Variants in STARD13 observed in about 807,000 individuals in gnomAD.
STARD13 encodes stAR-related lipid transfer protein 13.
STARD13 carries 62 observed loss-of-function variants against 106.4 expected under a neutral mutation model. The ratio of observed to expected loss-of-function variants is 0.58; its 90% CI spans 0.48 to 0.72. The LOEUF is 0.72. Ranked by LOEUF, STARD13 falls within the 30% of genes least tolerant of loss-of-function variation. The pLI, the probability that STARD13 is intolerant of heterozygous loss-of-function variation, is 0.00. For missense variants in STARD13, 1,387 were observed against 1,424.0 expected, an observed-to-expected ratio of 0.97 and a Z score of 0.42; for synonymous variants, 565 against 553.0, an observed-to-expected ratio of 1.02 and a Z score of -0.31.
the STARD13 span, among the ~76,000 whole-genome samples, chr13:33,540,376 ATTAT>A: frequency 6.6e-6 from 1 of 152,206 alleles, no homozygotes; most frequent in Non-Finnish European, 1.5e-5. Context: ...CCTTGGAGAC[ATTAT>A]TAAGGAAAAT....
At position 33,142,347 on chromosome 13, in the gene STARD13, GCA is replaced by G; in HGVS notation, c.348_349del (p.Ala117LeufsTer5). On this transcript the variant is annotated frameshift_variant, in exon 4 of 14. Coordinates refer to ENST00000336934, the MANE Select transcript of STARD13 (RefSeq NM_178006.4). LOFTEE classifies it high-confidence loss of function. ...GAAGTTCACATCAAGTTTCATTGAGGCACACTTGTTCAACGTATTTAGTCGTC... is the reference window on the plus strand; with the variant it reads ...GAAGTTCACATCAAGTTTCATTGAGGCACTTGTTCAACGTATTTAGTCGTC... 1 of 1,613,966 alleles carries G rather than the reference GCA, an allele frequency of 6.2e-7. No homozygotes were observed. The highest frequency in any genetic ancestry group is 8.5e-7 in the Non-Finnish European group (1 of 1,179,930).
chr13:33,333,765 A>G lies in STARD13; in HGVS notation c.124+16525T>C, dbSNP rs1002102450. The G allele has an allele frequency of 2.0e-5, 3 of 152,202 alleles. No individual in the cohort carries two copies. The East Asian group carries it at 5.8e-4, about 29-fold the overall frequency. The allele number at this position is 152,202 out of a possible 1,614,324, so 9.4% of individuals were successfully genotyped here. A position where few individuals can be genotyped will look rare whatever the true frequency, so the allele number is the denominator to read the frequency against. On this transcript the variant is annotated intron_variant, in intron 1 of 5. Coordinates refer to the STARD13 transcript ENST00000567873. ...AACATGGGAAAGGCTTTGCTCTTGA[A>G]GGTAAGTAAGGTACCATCTTTTCTC...
At chr13:33,111,013 C>T (rs942903487) in intron 10 of STARD13, 106 bp from the exon 11 acceptor site, 22 of 947,656 alleles carry the variant, frequency 2.3e-5, no homozygotes, top group Admixed American at 1.1e-4. Flanking sequence ...AGCCACGGGC[C>T]GAGGGCCACA....
At chr13:33,360,140 T>A in the STARD13 span, among the ~76,000 whole-genome samples, 986 of 152,332 alleles carry the variant, frequency 6.5e-3, 10 homozygotes, top group African/African-American at 0.022. Flanking sequence ...TTATGACGTT[T>A]TAAAAATGGG....
At chr13:33,304,111 G>A (rs576932932) in intron 1 of STARD13, among the ~76,000 whole-genome samples, 19 of 152,332 alleles carry the variant, frequency 1.2e-4, no homozygotes, top group African/African-American at 3.8e-4. Context: ...ACTTTCCCAC[G>A]TTGTGAAATC....
chr13:33,485,198 T>C, the STARD13 span, among the ~76,000 whole-genome samples: 2 of 152,314 alleles, frequency 1.3e-5, no homozygotes, highest in Non-Finnish European at 1.5e-5. Context: ...GAAGTGAATG[T>C]CAAAAATAAG....
chr13:33,205,092 A>T (rs1426702318), intron 1 of STARD13, among the ~76,000 whole-genome samples: 4 of 152,242 alleles, frequency 2.6e-5, no homozygotes, highest in African/African-American at 9.6e-5. Flanking sequence ...GCCTAATAAA[A>T]CATGCGACAT....
At chr13:33,519,268 C>CT in the STARD13 span, among the ~76,000 whole-genome samples, 1 of 140,966 alleles carries the variant, frequency 7.1e-6, no homozygotes, top group African/African-American at 2.7e-5. Flanking sequence ...TTCTTTCTTT[C>CT]TTTCTTTTCT....
At chr13:33,235,864 A>G (rs1453377384) in intron 1 of STARD13, among the ~76,000 whole-genome samples, 1 of 152,234 alleles carries the variant, frequency 6.6e-6, no homozygotes, top group Non-Finnish European at 1.5e-5. Context: ...TTGCATTAGC[A>G]GCTTATGTCC....
chr13:33,366,975 G>A, the STARD13 span, among the ~76,000 whole-genome samples: 19 of 152,178 alleles, frequency 1.2e-4, no homozygotes, highest in African/African-American at 4.6e-4. The surrounding 1 kb of genome is among the most constrained non-coding windows in gnomAD (Gnocchi z 4.2). Flanking sequence ...GGGATTTTGA[G>A]TCATATGACA....
the STARD13 span, among the ~76,000 whole-genome samples, chr13:33,430,899 C>T: frequency 2.6e-5 from 4 of 152,138 alleles, no homozygotes; most frequent in South Asian, 6.2e-4. Flanking sequence ...TGGAGATTAC[C>T]AGAGGCTACA....
chr13:33,181,271 TAC>T (rs59405682), intron 1 of STARD13, among the ~76,000 whole-genome samples: 7,904 of 142,344 alleles, frequency 0.056, 291 homozygotes, highest in Non-Finnish European at 0.08. Context: ...CACACATACA[TAC>T]ACACACACAC....
chr13:33,174,051 T>G (rs1403611977), intron 1 of STARD13, among the ~76,000 whole-genome samples: 1 of 152,180 alleles, frequency 6.6e-6, no homozygotes, highest in East Asian at 1.9e-4. Flanking sequence ...GCAAATCTAG[T>G]CACTTAATTC....
At chr13:33,117,225 C>A (rs1875514503) in intron 8 of STARD13, among the ~76,000 whole-genome samples, 1 of 152,226 alleles carries the variant, frequency 6.6e-6, no homozygotes, top group Non-Finnish European at 1.5e-5. Flanking sequence ...TCTCCTGCCT[C>A]AGCCTCCTGA....
chr13:33,615,883 A>C, the STARD13 span, among the ~76,000 whole-genome samples: 1 of 152,202 alleles, frequency 6.6e-6, no homozygotes, highest in Non-Finnish European at 1.5e-5. Context: ...ACCAATTAAT[A>C]CTAATTGCGT....
At chr13:33,539,982 C>T in the STARD13 span, among the ~76,000 whole-genome samples, 4 of 152,336 alleles carry the variant, frequency 2.6e-5, no homozygotes, top group East Asian at 5.8e-4. Context: ...TTACAAACAA[C>T]TTAGTTTTAA....
the STARD13 span, among the ~76,000 whole-genome samples, chr13:33,418,313 C>T: frequency 4.6e-5 from 7 of 152,250 alleles, no homozygotes; most frequent in South Asian, 2.1e-4. Flanking sequence ...GCAGGTCCCA[C>T]GCCCACGGAG....
the STARD13 span, among the ~76,000 whole-genome samples, chr13:33,591,831 A>G: frequency 1.3e-5 from 2 of 152,202 alleles, no homozygotes; most frequent in African/African-American, 4.8e-5. Context: ...ATAAAAATCT[A>G]TTATTTGGAC....
intron 1 of STARD13, among the ~76,000 whole-genome samples, chr13:33,223,239 C>T (rs937452021): frequency 3.3e-5 from 5 of 152,160 alleles, no homozygotes; most frequent in African/African-American, 9.7e-5. Context: ...TAGAGAAGTC[C>T]CACTTTGGTC....
Sources: allele counts gnomAD v4.1 joint callset (sites outside exome capture counted in the v4.1 genomes callset), GRCh38; gene constraint gnomAD v4.1.1; non-coding constraint Gnocchi (gnomAD v3.1); transcripts MANE v1.5; gene names NCBI Gene and HGNC (gene_info 2026-07-23, HGNC 2026-07-21).